Variants in ADGRA1 observed in about 807,000 individuals in gnomAD.
The protein encoded by ADGRA1 is adhesion G protein-coupled receptor A1, also known as G-protein coupled receptor 123.
A neutral mutation model predicts 21.3 loss-of-function variants in ADGRA1; 12 were observed. The observed-to-expected ratio is 0.56, with a 90% CI of 0.36 to 0.91. The LOEUF (loss-of-function observed/expected upper bound fraction) is 0.91. Among genes scored for constraint, ADGRA1 ranks in the 40% least tolerant of loss-of-function variants. The pLI, the probability that ADGRA1 is intolerant of heterozygous loss-of-function variation, is 0.01. For missense variants in ADGRA1, 790 were observed against 805.6 expected, an observed-to-expected ratio of 0.98 and a Z score of 0.23; for synonymous variants, 385 against 368.8, an observed-to-expected ratio of 1.04 and a Z score of -0.50.
At chr10:133,120,873 C>T (rs1184893803) in intron 5 of ADGRA1, among the ~76,000 whole-genome samples, 1 of 152,232 alleles carries the variant, frequency 6.6e-6, no homozygotes, top group Non-Finnish European at 1.5e-5. Context: ...TTTTGACATG[C>T]CTTCCTCACT....
At chr10:133,115,290 C>G (rs1181952241) in intron 5 of ADGRA1, among the ~76,000 whole-genome samples, 1 of 152,198 alleles carries the variant, frequency 6.6e-6, no homozygotes, top group African/African-American at 2.4e-5. Flanking sequence ...GCGTCCACAT[C>G]GCCTCCAGCA....
chr10:133,111,929 C>CA (rs1564849624), intron 5 of ADGRA1, among the ~76,000 whole-genome samples: 7 of 61,942 alleles, frequency 1.1e-4, no homozygotes, highest in Admixed American at 3.2e-4. Flanking sequence ...CACCTGCCCG[C>CA]CGTGAGCACC....
At position 133,122,988 on chromosome 10, in the gene ADGRA1, A is replaced by G. The variant is rs559499214; in HGVS notation, c.402-4245A>G. 9.2e-5 allele frequency among the ~76,000 whole-genome samples: 14 copies of G among 152,282 alleles called. No individual in the cohort carries two copies. In the East Asian group the frequency reaches 2.7e-3, roughly 29 times the overall value. On this transcript the variant is annotated intron_variant, in intron 5 of 6. Coordinates refer to ENST00000392607, the MANE Select transcript of ADGRA1 (RefSeq NM_001083909.3). The stretch of plus-strand genomic sequence containing the variant: ...TAAGGCCCATCCTGTAACCGTCGGT[A>G]GCTGGGGCTCCCCATGTCCATGGCT...
intron 2 of ADGRA1, among the ~76,000 whole-genome samples, chr10:133,091,721 G>C (rs1851598375): frequency 6.6e-6 from 1 of 152,244 alleles, no homozygotes; most frequent in African/African-American, 2.4e-5. Flanking sequence ...AGCTTGGGCT[G>C]GGGGACCCCA....
At chr10:133,098,428 T>A (rs1851726764) in intron 3 of ADGRA1, among the ~76,000 whole-genome samples, 1 of 152,040 alleles carries the variant, frequency 6.6e-6, no homozygotes, top group Non-Finnish European at 1.5e-5. Flanking sequence ...TGTGCCAGGG[T>A]GACGTAAGGC....
intron 5 of ADGRA1, among the ~76,000 whole-genome samples, chr10:133,110,421 C>A (rs11101937): frequency 6.6e-6 from 1 of 152,142 alleles, no homozygotes; most frequent in East Asian, 1.9e-4. Flanking sequence ...CCACATCCTG[C>A]GTCCCTGCAC....
At chr10:133,101,604 C>T (rs1321856543) in intron 4 of ADGRA1, among the ~76,000 whole-genome samples, 4 of 152,224 alleles carry the variant, frequency 2.6e-5, no homozygotes, top group Non-Finnish European at 5.9e-5. Context: ...ACACTGACAG[C>T]CCCACGGCTG....
chr10:133,109,142 C>T (rs1342575651), intron 5 of ADGRA1, among the ~76,000 whole-genome samples: 2 of 151,674 alleles, frequency 1.3e-5, no homozygotes, highest in African/African-American at 4.8e-5. Flanking sequence ...CTTTGCAGCT[C>T]AGCAGCAGCA....
intron 2 of ADGRA1, among the ~76,000 whole-genome samples, chr10:133,090,206 G>T (rs1564841799): frequency 6.6e-6 from 1 of 152,210 alleles, no homozygotes; most frequent in East Asian, 1.9e-4. Flanking sequence ...GCGAACAACT[G>T]TGCGGGGGCC....
intron 4 of ADGRA1, among the ~76,000 whole-genome samples, chr10:133,100,933 C>T (rs1007156289): frequency 3.5e-4 from 53 of 152,350 alleles, no homozygotes; most frequent in Admixed American, 3.9e-4. Flanking sequence ...GCCGCAGTGG[C>T]TGCAGCTCCA....
At chr10:133,112,895 A>G (rs115015340) in intron 5 of ADGRA1, among the ~76,000 whole-genome samples, 18,750 of 85,306 alleles carry the variant, frequency 0.22, 2,817 homozygotes, top group East Asian at 0.61. Flanking sequence ...GGGCCGCGTC[A>G]GTTCGGTTAT....
chr10:133,106,642 G>T (rs1448169198), intron 5 of ADGRA1, among the ~76,000 whole-genome samples: 1 of 152,272 alleles, frequency 6.6e-6, no homozygotes, highest in Non-Finnish European at 1.5e-5. Flanking sequence ...GCCATGAGAT[G>T]CTGGCTTCCC....
rs11101940 is a variant in ADGRA1 at position 133,126,597 on chromosome 10, T to A, written c.402-636T>A. Among the ~76,000 whole-genome samples, 1,220 of 152,296 alleles carry A rather than the reference T, an allele frequency of 8.0e-3. 17 individuals are homozygous for A. Among genetic ancestry groups the A allele is most frequent in the African/African-American group, 0.023 (968 of 41,560 alleles). On this transcript the variant is annotated intron_variant, in intron 5 of 6. Transcript: ENST00000392607. Reference sequence around the variant, plus strand: ...CAAGTGCACCCGGTCCGGGACACGCTGCATCCCGCTTGGATCCCTGGGCGC... The same window carrying A: ...CAAGTGCACCCGGTCCGGGACACGCAGCATCCCGCTTGGATCCCTGGGCGC...
chr10:133,122,986 G>C (rs1213066993), intron 5 of ADGRA1, among the ~76,000 whole-genome samples: 1 of 152,216 alleles, frequency 6.6e-6, no homozygotes, highest in African/African-American at 2.4e-5. Flanking sequence ...GTAACCGTCG[G>C]TAGCTGGGGC....
chr10:133,088,809 C>G lies in ADGRA1; in HGVS notation c.-101C>G. 8.1e-7 allele frequency: 1 copy of G among 1,233,938 alleles called. No homozygotes were observed. Among genetic ancestry groups the G allele is most frequent in the East Asian group, 3.2e-5 (1 of 31,680 alleles). 76.4% of individuals were successfully genotyped at this position (1,233,938 alleles called of 1,614,324 possible). On this transcript the variant is annotated 5_prime_UTR_variant, in exon 2 of 7. Coordinates refer to ENST00000392607, the MANE Select transcript of ADGRA1 (RefSeq NM_001083909.3). ...GCCGCCGTCTGGGACTTTGACCTTC[C>G]AGAGGCCATGGAGGCTGGCGGGGAG...
At chr10:133,096,420 G>T (rs550117363) in intron 2 of ADGRA1, among the ~76,000 whole-genome samples, 1 of 152,340 alleles carries the variant, frequency 6.6e-6, no homozygotes, top group Non-Finnish European at 1.5e-5. Context: ...GAAGCAGGTG[G>T]AGTTTGCGGC....
intron 5 of ADGRA1, among the ~76,000 whole-genome samples, chr10:133,112,528 C>T (rs1329055545): frequency 1.4e-5 from 2 of 140,426 alleles, no homozygotes; most frequent in South Asian, 2.4e-4. Flanking sequence ...TTGGGGTCTG[C>T]AGGCCGCGTC....
At chr10:133,114,838 C>T (rs377323653) in intron 5 of ADGRA1, among the ~76,000 whole-genome samples, 2 of 152,336 alleles carry the variant, frequency 1.3e-5, no homozygotes, top group East Asian at 1.9e-4. Flanking sequence ...GGTCCTGCTC[C>T]GCCCGCCCCT....
In ADGRA1 at chr10:133,097,001, C is replaced by A; in HGVS notation, c.31C>A (p.Arg11Ser). The A allele has an allele frequency of 1.9e-6, 3 of 1,613,500 alleles. No individual in the cohort carries two copies. Among genetic ancestry groups the A allele is most frequent in the Non-Finnish European group, 1.7e-6 (2 of 1,179,834 alleles). The change falls in exon 3 of 7, where the codon CGC becomes AGC. Residue 11 changes from arginine (R) to serine (S), a missense_variant. By Grantham distance (110) the Arg-to-Ser change is moderately radical. This residue lies in a region of ADGRA1 where 382 missense variants were observed against 415.6 expected (regional missense o/e 0.92). Transcript: ENST00000392607. ...TCTGAAGACAGTGCTCTCCCTGCCC[C>A]GCTACCCAGGGGAGTTCCTGCACCC... is the stretch of plus-strand genomic sequence containing the variant. MDLKTVLSLP[R>S]YPGEFLHPVV...
Sources: allele counts gnomAD v4.1 joint callset (sites outside exome capture counted in the v4.1 genomes callset), GRCh38; gene constraint gnomAD v4.1.1; regional missense constraint gnomAD v4.1.1; transcripts MANE v1.5; gene names NCBI Gene and HGNC (gene_info 2026-07-23, HGNC 2026-07-21).